Variants in SBNO2 observed in about 807,000 individuals in gnomAD.
SBNO2 encodes the protein strawberry notch homolog 2, also known as protein strawberry notch homolog 2.
Under a neutral mutation model 146.3 loss-of-function variants are expected in SBNO2, and 89 were observed. The ratio of observed to expected loss-of-function variants is 0.61; its 90% confidence interval spans 0.51 to 0.73. The LOEUF (loss-of-function observed/expected upper bound fraction) is 0.73. Ranked by LOEUF, SBNO2 falls within the 30% of genes least tolerant of loss-of-function variation. The probability of loss-of-function intolerance (pLI) is 0.00; values close to 1 mark genes in which losing one functional copy is unlikely to be tolerated. For synonymous variants in SBNO2, 1,147 were observed against 892.6 expected, an observed-to-expected ratio of 1.29 and a Z score of -5.08; for missense variants, 2,092 against 2,003.7, an observed-to-expected ratio of 1.04 and a Z score of -0.84.
At position 1,108,865 on chromosome 19, in the gene SBNO2, C is replaced by T. The variant is rs761628064; in HGVS notation, c.3530G>A (p.Arg1177His). The stretch of plus-strand genomic sequence containing the variant: ...GACGTCGGCCATGACGGCGGCGATG[C>T]GGCCCCACACGCGCAGCAGCGCGCC... Reference protein sequence around the residue: ...LCGALLRVWGRIAAVMADVSS... With the variant: ...LCGALLRVWGHIAAVMADVSS... The change falls in exon 31 of 32, where the codon CGC (arginine) becomes CAC (histidine). Residue 1177 changes from arginine (R) to histidine (H), a missense_variant. Physicochemically the swap from Arg to His is conservative, Grantham distance 29. Transcript: ENST00000361757. The T allele has an allele frequency of 1.9e-6, 3 of 1,593,880 alleles. No individual in the cohort carries two copies. The highest frequency in any genetic ancestry group is 2.2e-5 in the East Asian group (1 of 44,458).
chr19:1,108,810 C>T lies in SBNO2; in HGVS notation c.3585G>A (p.Arg1195=), dbSNP rs1467223864. 1.7e-5 allele frequency: 27 copies of T among 1,603,172 alleles called. No individual in the cohort carries two copies. Among genetic ancestry groups the T allele is most frequent in the Non-Finnish European group, 2.2e-5 (26 of 1,179,030 alleles). The change falls in exon 31 of 32, where the codon CGG becomes CGA. Residue 1195 remains arginine, a synonymous_variant. Transcript: ENST00000361757. ...VSSSSYLQIV[R]LKTKDRKKQV... ...GCTTCTTCCTGTCCTTGGTCTTCAG[C>T]CGCACGATCTGCAGGTAGCTGCTGC...
At position 1,122,936 on chromosome 19, in the gene SBNO2, G is replaced by T; in HGVS notation, c.738C>A (p.Ala246=). ...TGGCCTCTAGCTGCAGGGCAGACAGGGCCCCGCTGTCCGAGGGCAGGGCCA... is the reference window on the plus strand; with the variant it reads ...TGGCCTCTAGCTGCAGGGCAGACAGTGCCCCGCTGTCCGAGGGCAGGGCCA... The part of the protein sequence containing the change: ...YTLALPSDSG[A]LSALQLEAIT... The change falls in exon 8 of 32, where the codon GCC becomes GCA. Residue 246 remains alanine (A), a synonymous_variant. Coordinates refer to ENST00000361757, the MANE Select transcript of SBNO2 (RefSeq NM_014963.3). The T allele has an allele frequency of 1.3e-6, 2 of 1,558,482 alleles. No individual in the cohort carries two copies. Among genetic ancestry groups the T allele is most frequent in the Non-Finnish European group, 1.7e-6 (2 of 1,151,810 alleles).
chr19:1,109,596 G>C lies in SBNO2; in HGVS notation c.3126C>G (p.Ile1042Met), dbSNP rs185032569. The change falls in exon 28 of 32, where the codon ATC becomes ATG. Residue 1042 changes from isoleucine to methionine, a missense_variant and splice_region_variant. Physicochemically the swap from Ile to Met is conservative, Grantham distance 10. Coordinates refer to ENST00000361757, the MANE Select transcript of SBNO2 (RefSeq NM_014963.3). The surrounding 1 kb of genome is among the most constrained non-coding windows in gnomAD (Gnocchi z 4.2). ...PQDGQVVFYK[I>M]SVDRGLKWED... is the part of the protein sequence containing the mutation. Reference sequence around the variant, plus strand: ...CCCACTTCAGGCCGCGGTCCACGCTGATCTGCCACGGCACGGGGTGGGGGG... The same window carrying C: ...CCCACTTCAGGCCGCGGTCCACGCTCATCTGCCACGGCACGGGGTGGGGGG... 90 of 1,574,504 alleles carry C rather than the reference G, an allele frequency of 5.7e-5. No individual in the cohort carries two copies. Among genetic ancestry groups the C allele is most frequent in the Non-Finnish European group, 7.7e-5 (89 of 1,160,934 alleles).
In SBNO2 at chr19:1,157,847, GCTCT is replaced by G. The variant is rs1168218785; in HGVS notation, c.-126-3449_-126-3446del. The stretch of plus-strand genomic sequence containing the variant: ...TCCGGGTAACTGCGTCCGCCTCCCA[GCTCT>G]CTCTCTTGAGTCCGGGTAACTGCAT... On this transcript the variant is annotated intron_variant, in intron 1 of 31. Coordinates refer to ENST00000361757, the MANE Select transcript of SBNO2 (RefSeq NM_014963.3). The surrounding 1 kb of genome is among the most constrained non-coding windows in gnomAD (Gnocchi z 6.8). Among the ~76,000 whole-genome samples, 1 of 137,872 alleles carries G rather than the reference GCTCT, an allele frequency of 7.3e-6. No individual in the cohort carries two copies. Among genetic ancestry groups the G allele is most frequent in the African/African-American group, 2.7e-5 (1 of 37,558 alleles). The allele number at this position is 137,872 out of a possible 152,430, so 90.4% of individuals were successfully genotyped here. A position where few individuals can be genotyped will look rare whatever the true frequency, so the allele number is the denominator to read the frequency against.
rs2079718657 is a variant in SBNO2 at position 1,109,158 on chromosome 19, C to T, written c.3402G>A (p.Leu1134=). The T allele has an allele frequency of 6.4e-7, 1 of 1,556,580 alleles. No homozygotes were observed. Among genetic ancestry groups the T allele is most frequent in the Non-Finnish European group, 8.7e-7 (1 of 1,150,918 alleles). ...ACCAGGCGCTGTGGCTGCAGTGCGT[C>T]AGCGACAAAGCGTAGCCACTCTCCC... ...EPWESGYALS[L]THCSHSAWNR... Residue 1134 remains leucine (L), a synonymous_variant, in exon 30 of 32, where the codon CTG becomes CTA. Transcript: ENST00000361757. The surrounding 1 kb of genome is among the most constrained non-coding windows in gnomAD (Gnocchi z 4.2).
chr19:1,123,907 G>A, intron 6 of SBNO2, 35 bp downstream of exon 6: 2 of 1,587,574 alleles, frequency 1.3e-6, no homozygotes, highest in Non-Finnish European at 1.7e-6. Context: ...CCATGAGAGG[G>A]CAGGGGAGGG....
chr19:1,116,887 T>C lies in SBNO2; in HGVS notation c.1744A>G (p.Thr582Ala). 2 of 1,578,494 alleles carry C rather than the reference T, an allele frequency of 1.3e-6. No homozygotes were observed. The highest frequency in any genetic ancestry group is 4.6e-5 in the East Asian group (2 of 43,386). Residue 582 changes from threonine to alanine, a missense_variant, in exon 16 of 32, where the codon ACG (threonine) becomes GCG (alanine). By Grantham distance (58) the Thr-to-Ala change is moderately conservative. Transcript: ENST00000361757. ...IGLQSTGEAR[T>A]REVLGENDGH... ...TCGTTCTCCCCCAGCACCTCCCGCG[T>C]GCGCGCCTCGCCCGTGGACTGCAGC...
Position 1,147,433 on chromosome 19 carries a change from G to GGGAGAC in SBNO2, c.168-14_168-13insGTCTCC. ...GCTCATGAACGGGCTGGAGGGAGAT[G>GGGAGAC]GGGGGGGGGGAGGTGAGATGGGGTG... On this transcript the variant is annotated splice_polypyrimidine_tract_variant and intron_variant, in intron 3 of 31. Coordinates refer to ENST00000361757, the MANE Select transcript of SBNO2 (RefSeq NM_014963.3). 2.0e-6 allele frequency: 1 copy of GGGAGAC among 498,506 alleles called. No individual in the cohort carries two copies. Among genetic ancestry groups the GGGAGAC allele is most frequent in the Non-Finnish European group, 2.9e-6 (1 of 348,074 alleles). 30.9% of individuals were successfully genotyped at this position (498,506 alleles called of 1,614,324 possible).
At position 1,112,421 on chromosome 19, in the gene SBNO2, G is replaced by A. The variant is rs368853228; in HGVS notation, c.2496C>T (p.Asp832=). ...HMTLELPWSA[D]RAIQQFGRTH... ...ACTCACCGAACTGCTGGATGGCGCG[G>A]TCGGCGCTCCACGGCAGCTCCAAGG... The change falls in exon 21 of 32, where the codon GAC becomes GAT. Residue 832 remains aspartate, a synonymous_variant. Transcript: ENST00000361757. This position sits in a 1 kb window ranked among gnomAD's most constrained non-coding sequence, Gnocchi z 5.9. The A allele has an allele frequency of 8.7e-6, 14 of 1,605,048 alleles. No individual in the cohort carries two copies. The African/African-American group carries it at 1.3e-4, about 15-fold the overall frequency.
intron 3 of SBNO2, among the ~76,000 whole-genome samples, chr19:1,148,178 C>G: frequency 6.6e-6 from 1 of 152,170 alleles, no homozygotes; most frequent in East Asian, 1.9e-4. Context: ...CAGTGGGAGC[C>G]GGAGGCCTTG....
chr19:1,161,895 C>T (rs960576158), intron 1 of SBNO2, among the ~76,000 whole-genome samples: 8 of 12,248 alleles, frequency 6.5e-4, no homozygotes, highest in African/African-American at 2.7e-3. Flanking sequence ...ACTCCCTTCC[C>T]TGGGGAGCCG....
At chr19:1,128,782 A>G (rs1354206176) in intron 4 of SBNO2, among the ~76,000 whole-genome samples, 1 of 151,650 alleles carries the variant, frequency 6.6e-6, no homozygotes, top group East Asian at 2.0e-4. Flanking sequence ...CGCCTGGACA[A>G]TATGGCAAAA....
At position 1,113,583 on chromosome 19, in the gene SBNO2, G is replaced by A. The variant is rs1486027474; in HGVS notation, c.2199C>T (p.Thr733=). 1.4e-5 allele frequency: 22 copies of A among 1,599,978 alleles called. No individual in the cohort carries two copies. Among genetic ancestry groups the A allele is most frequent in the Non-Finnish European group, 1.7e-5 (20 of 1,175,064 alleles). ...RRLGRELPVN[T]LDELIDQLGG... is the part of the protein sequence containing the mutation. ...CCAGCTGGTCGATGAGCTCGTCCAG[G>A]GTGTTGACTGGCAGTTCCCGGCCCA... is the stretch of plus-strand genomic sequence containing the variant. Residue 733 remains threonine (T), a synonymous_variant, in exon 19 of 32, where the codon ACC becomes ACT. Transcript: ENST00000361757.
At chr19:1,167,529 C>T (rs115605487) in intron 1 of SBNO2, among the ~76,000 whole-genome samples, 1,842 of 152,348 alleles carry the variant, frequency 0.012, 15 homozygotes, top group African/African-American at 0.023. Context: ...TCCCCCATCA[C>T]GCCATCCCTC....
intron 1 of SBNO2, among the ~76,000 whole-genome samples, chr19:1,156,585 C>G (rs2080291302): frequency 6.6e-6 from 1 of 152,124 alleles, no homozygotes; most frequent in Non-Finnish European, 1.5e-5. Context: ...AACAGCCACC[C>G]GAGGAAGCAG....
At position 1,108,523 on chromosome 19, in the gene SBNO2, C is replaced by G; in HGVS notation, c.3798G>C (p.Glu1266Asp). 1 of 1,217,502 alleles carries G rather than the reference C, an allele frequency of 8.2e-7. No individual in the cohort carries two copies. Among genetic ancestry groups the G allele is most frequent in the Non-Finnish European group, 1.0e-6 (1 of 976,454 alleles). The allele number at this position is 1,217,502 out of a possible 1,614,324, so 75.4% of individuals were successfully genotyped here. Residue 1266 changes from glutamate to aspartate, a missense_variant, in exon 32 of 32, where the codon GAG becomes GAC. Glu to Asp is a conservative substitution (Grantham distance 45). Transcript: ENST00000361757. ...VLDLTYSPPAEAFPPPPHFSF... is the reference protein window; with the variant it reads ...VLDLTYSPPADAFPPPPHFSF... ...AGAAGTGCGGGGGCGGCGGGAAGGCCTCGGCCGGGGGGCTGTAGGTGAGGT... is the reference window on the plus strand; with the variant it reads ...AGAAGTGCGGGGGCGGCGGGAAGGCGTCGGCCGGGGGGCTGTAGGTGAGGT...
At position 1,144,903 on chromosome 19, in the gene SBNO2, C is replaced by T. The variant is rs12985686; in HGVS notation, c.279+2406G>A. ...AGAGAGGGAGACAGAGAGACAGAGG[C>T]GGAGATGGAGACAGAGACAGAGAGA... is the stretch of plus-strand genomic sequence containing the variant. On this transcript the variant is annotated intron_variant, in intron 4 of 31. Transcript: ENST00000361757. This position sits in a 1 kb window ranked among gnomAD's most constrained non-coding sequence, Gnocchi z 4.1. 3.8e-5 allele frequency among the ~76,000 whole-genome samples: 4 copies of T among 105,044 alleles called. No individual in the cohort carries two copies. The highest frequency in any genetic ancestry group is 9.1e-5 in the Admixed American group (1 of 11,002). 68.9% of individuals were successfully genotyped at this position (105,044 alleles called of 152,430 possible).
At position 1,116,108 on chromosome 19, in the gene SBNO2, A is replaced by C. The variant is rs1173650037; in HGVS notation, c.1803-5T>G. 5 of 1,604,998 alleles carry C rather than the reference A, an allele frequency of 3.1e-6. No homozygotes were observed. In the Admixed American group the frequency reaches 6.8e-5, roughly 22 times the overall value. On this transcript the variant is annotated splice_polypyrimidine_tract_variant and splice_region_variant and intron_variant, in intron 16 of 31. Transcript: ENST00000361757. The stretch of plus-strand genomic sequence containing the variant: ...ATTAGCGACAGGAACACGCCTCTGA[A>C]AGTGAGACGCGGAGTTTATTCTCAC...
chr19:1,166,617 G>GCACACACA (rs71932539), intron 1 of SBNO2, among the ~76,000 whole-genome samples: 33 of 136,394 alleles, frequency 2.4e-4, no homozygotes, highest in African/African-American at 8.1e-4. Context: ...AACTGCACGC[G>GCACACACA]CACACACACA....
Sources: gnomAD v4.1 joint callset for allele counts (sites outside exome capture counted in the v4.1 genomes callset) on GRCh38, gnomAD v4.1.1 for gene constraint, Gnocchi (gnomAD v3.1) non-coding constraint, MANE v1.5 for transcripts, NCBI Gene and HGNC (gene_info 2026-07-23, HGNC 2026-07-21) for gene names.